Variants in RIMS2 observed in about 807,000 individuals in gnomAD.
RIMS2 encodes the protein regulating synaptic membrane exocytosis protein 2.
In RIMS2, 59 loss-of-function variants were observed where a neutral mutation model predicts 174.4. The ratio of observed to expected loss-of-function variants is 0.34; its 90% CI spans 0.27 to 0.42. The LOEUF (loss-of-function observed/expected upper bound fraction) is 0.42. RIMS2 is among the 10% of genes least tolerant of loss of function. The pLI, the probability that RIMS2 is intolerant of heterozygous loss-of-function variation, is 1.00. For missense variants in RIMS2, 1,620 were observed against 1,666.3 expected, an observed-to-expected ratio of 0.97 and a Z score of 0.48; for synonymous variants, 606 against 572.5, an observed-to-expected ratio of 1.06 and a Z score of -0.84.
In RIMS2 at chr8:103,766,388, A is replaced by G. The variant is rs990175644; in HGVS notation, c.549A>G (p.Leu183=). Residue 183 remains leucine, a synonymous_variant, in exon 3 of 24, where the codon CTA becomes CTG. Coordinates refer to ENST00000504942, the Ensembl canonical transcript of RIMS2. ...CACCTCAGGAGAAGAAACCAAAACT[A>G]CATGAGCAGACCCAGTTCCAAGGAC... 12 of 1,613,800 alleles carry G rather than the reference A, an allele frequency of 7.4e-6. No homozygotes were observed. The African/African-American group carries it at 1.6e-4, about 22-fold the overall frequency.
intron 19 of RIMS2, among the ~76,000 whole-genome samples, chr8:104,026,580 A>T (rs979030864): frequency 6.6e-6 from 1 of 152,170 alleles, no homozygotes; most frequent in African/African-American, 2.4e-5. Flanking sequence ...TAATGTGTAC[A>T]ATTTCTACAT....
intron 19 of RIMS2, among the ~76,000 whole-genome samples, chr8:104,239,190 G>C (rs2099274150): frequency 6.6e-6 from 1 of 152,170 alleles, no homozygotes; most frequent in African/African-American, 2.4e-5. Context: ...TTTGGTTTTT[G>C]TTGTCAAGTA....
intron 1 of RIMS2, among the ~76,000 whole-genome samples, chr8:103,553,286 G>A (rs1232123275): frequency 6.6e-6 from 1 of 152,092 alleles, no homozygotes; most frequent in Non-Finnish European, 1.5e-5. Context: ...ATGAATTTTT[G>A]TCCTTTGTAG....
At chr8:103,947,692 A>T (rs2154541561) in intron 14 of RIMS2, among the ~76,000 whole-genome samples, 1 of 152,342 alleles carries the variant, frequency 6.6e-6, no homozygotes, top group Non-Finnish European at 1.5e-5. Flanking sequence ...TGAGTCAATG[A>T]GCAACTTGGT....
intron 19 of RIMS2, among the ~76,000 whole-genome samples, chr8:104,016,068 C>CA (rs2095895118): frequency 3.3e-5 from 5 of 151,984 alleles, no homozygotes; most frequent in African/African-American, 1.2e-4. Flanking sequence ...TATGGAGTGT[C>CA]ATACATTTGC....
At chr8:103,590,486 A>G (rs756793076) in intron 1 of RIMS2, among the ~76,000 whole-genome samples, 15 of 151,278 alleles carry the variant, frequency 9.9e-5, no homozygotes, top group African/African-American at 4.8e-5. Context: ...ACATCCTTAC[A>G]TGTCAGAATT....
intron 14 of RIMS2, among the ~76,000 whole-genome samples, chr8:103,956,832 A>G (rs890137850): frequency 5.3e-5 from 8 of 152,254 alleles, no homozygotes; most frequent in African/African-American, 1.9e-4. Flanking sequence ...GAATGGGAGA[A>G]AACTTTTGCA....
At chr8:104,059,315 T>C (rs2096933298) in intron 19 of RIMS2, among the ~76,000 whole-genome samples, 2 of 149,470 alleles carry the variant, frequency 1.3e-5, no homozygotes, top group Middle Eastern at 3.5e-3. Context: ...CTAGGTATTT[T>C]ATTCTCTTTG....
intron 19 of RIMS2, among the ~76,000 whole-genome samples, chr8:104,102,519 A>G (rs1195294868): frequency 5.9e-5 from 9 of 152,268 alleles, no homozygotes; most frequent in Non-Finnish European, 1.2e-4. Flanking sequence ...ATCTTAAAAA[A>G]TAACTTATAA....
chr8:103,865,284 CTTTTTTTTTT>C (rs67300843), intron 3 of RIMS2, among the ~76,000 whole-genome samples: 1 of 119,732 alleles, frequency 8.4e-6, no homozygotes, highest in Non-Finnish European at 1.7e-5. Context: ...CAGTTTTTTT[CTTTTTTTTTT>C]TTTTTTTTGA....
intron 19 of RIMS2, among the ~76,000 whole-genome samples, chr8:104,104,673 A>G (rs1219724325): frequency 6.6e-6 from 1 of 152,168 alleles, no homozygotes; most frequent in Non-Finnish European, 1.5e-5. Flanking sequence ...TGGAAGGCCA[A>G]GGCAGTTAAA....
intron 3 of RIMS2, among the ~76,000 whole-genome samples, chr8:103,796,558 T>A (rs2098551276): frequency 6.6e-6 from 1 of 152,130 alleles, no homozygotes; most frequent in African/African-American, 2.4e-5. Context: ...TCCCCTATAA[T>A]CTAGCCTCAG....
At chr8:103,886,761 CAATT>C (rs925130950) in intron 4 of RIMS2, among the ~76,000 whole-genome samples, 1 of 151,002 alleles carries the variant, frequency 6.6e-6, no homozygotes, top group African/African-American at 2.4e-5. Flanking sequence ...CTGATGCTTT[CAATT>C]GTTATCACAT....
intron 1 of RIMS2, among the ~76,000 whole-genome samples, chr8:103,572,999 T>C (rs2092945747): frequency 6.6e-6 from 1 of 152,164 alleles, no homozygotes; most frequent in African/African-American, 2.4e-5. Context: ...AGATGAGTAT[T>C]TCCTAGGTTT....
At chr8:104,152,176 A>T (rs1310035972) in intron 19 of RIMS2, among the ~76,000 whole-genome samples, 1 of 152,210 alleles carries the variant, frequency 6.6e-6, no homozygotes, top group East Asian at 1.9e-4. Flanking sequence ...ATGTTGGCAG[A>T]TTTAAGAAAT....
chr8:103,830,825 T>C (rs964511903), intron 3 of RIMS2, among the ~76,000 whole-genome samples: 8 of 152,372 alleles, frequency 5.3e-5, no homozygotes, highest in African/African-American at 1.7e-4. Flanking sequence ...TTTTCTTTTC[T>C]TGAGACAAGG....
chr8:103,744,937 G>A (rs1227885110), intron 2 of RIMS2, among the ~76,000 whole-genome samples: 1 of 152,124 alleles, frequency 6.6e-6, no homozygotes, highest in Non-Finnish European at 1.5e-5. Context: ...TTGGGCTCAG[G>A]ATCTGCTTGT....
chr8:103,634,354 T>G (rs1017930877), intron 1 of RIMS2, among the ~76,000 whole-genome samples: 4 of 152,258 alleles, frequency 2.6e-5, no homozygotes, highest in Admixed American at 6.5e-5. Context: ...TGTGTTGACT[T>G]GTATTTTTAT....
chr8:104,172,063 A>G (rs1307244718), intron 19 of RIMS2, among the ~76,000 whole-genome samples: 2 of 152,066 alleles, frequency 1.3e-5, no homozygotes, highest in Non-Finnish European at 2.9e-5. Context: ...TTCTCATGGT[A>G]TATACTTTAT....
Sources: allele counts gnomAD v4.1 joint callset (sites outside exome capture counted in the v4.1 genomes callset), GRCh38; gene constraint gnomAD v4.1.1; transcripts MANE v1.5; gene names NCBI Gene and HGNC (gene_info 2026-07-23, HGNC 2026-07-21).